RASEF: variants seen among roughly 807,000 people sequenced by gnomAD.
RASEF encodes RAS and EF-hand domain containing, also known as ras and EF-hand domain-containing protein.
Under a neutral mutation model 90.1 loss-of-function variants are expected in RASEF, and 68 were observed. The observed-to-expected ratio is 0.75, with a 90% CI of 0.62 to 0.92. RASEF has a LOEUF of 0.92. Ranked by LOEUF, RASEF falls within the 40% of genes least tolerant of loss-of-function variation. The pLI is 0.00. For synonymous variants in RASEF, 331 were observed against 345.2 expected (o/e 0.96, Z 0.46); for missense variants, 949 against 937.2 (o/e 1.01, Z -0.16).
chr9:83,033,492 A>G (rs749021168), intron 1 of RASEF, among the ~76,000 whole-genome samples: 2 of 152,208 alleles, frequency 1.3e-5, no homozygotes, highest in Non-Finnish European at 2.9e-5. Flanking sequence ...CAGGCTGTGC[A>G]CAGCGTCAGG....
intron 9 of RASEF, among the ~76,000 whole-genome samples, chr9:83,003,800 A>G (rs76711925): frequency 0.011 from 1,606 of 152,308 alleles, 26 homozygotes; most frequent in South Asian, 0.077. Flanking sequence ...AGAAATAGAG[A>G]GTCGGAAACT....
chr9:83,145,097 T>C, the RASEF span, among the ~76,000 whole-genome samples: 4 of 152,202 alleles, frequency 2.6e-5, no homozygotes, highest in South Asian at 4.1e-4. Flanking sequence ...CAAGGAATCT[T>C]TGGAGGTGCC....
At chr9:82,998,967 T>C (rs1828974009) in intron 12 of RASEF, among the ~76,000 whole-genome samples, 2 of 152,206 alleles carry the variant, frequency 1.3e-5, no homozygotes, top group African/African-American at 2.4e-5. Context: ...CACATTTACA[T>C]GCATCATGGT....
the RASEF span, among the ~76,000 whole-genome samples, chr9:83,084,694 A>C: frequency 6.6e-6 from 1 of 152,158 alleles, no homozygotes; most frequent in Non-Finnish European, 1.5e-5. Context: ...CTTCAAGACT[A>C]TCTGAGGTTA....
chr9:83,088,368 A>AGATG, the RASEF span, among the ~76,000 whole-genome samples: 2 of 118,828 alleles, frequency 1.7e-5, no homozygotes, highest in Non-Finnish European at 3.5e-5. Flanking sequence ...AGATATAGAT[A>AGATG]GATGGATAGA....
At chr9:83,009,593 C>A (rs1159459538) in intron 6 of RASEF, 48 bp downstream of exon 6, 2 of 1,072,638 alleles carry the variant, frequency 1.9e-6, no homozygotes, top group Non-Finnish European at 2.8e-6. Flanking sequence ...CCTGGATGAT[C>A]ATCTCAATAT....
the RASEF span, among the ~76,000 whole-genome samples, chr9:83,149,063 C>T: frequency 2.0e-5 from 3 of 152,196 alleles, no homozygotes; most frequent in Non-Finnish European, 4.4e-5. Flanking sequence ...ACAAGGCAGT[C>T]GGTGATAGGG....
At chr9:83,007,855 G>C (rs998105177) in intron 6 of RASEF, among the ~76,000 whole-genome samples, 1 of 152,122 alleles carries the variant, frequency 6.6e-6, no homozygotes, top group African/African-American at 2.4e-5. Context: ...TGAACCTCCT[G>C]AGTCTCTTCT....
the RASEF span, among the ~76,000 whole-genome samples, chr9:83,208,276 G>C: frequency 1.3e-5 from 2 of 152,200 alleles, no homozygotes; most frequent in African/African-American, 4.8e-5. Context: ...CTACTTTCCA[G>C]CAGAGTGATT....
the RASEF span, among the ~76,000 whole-genome samples, chr9:83,122,931 T>C: frequency 2.0e-5 from 3 of 152,032 alleles, no homozygotes; most frequent in African/African-American, 7.2e-5. Context: ...GGGTGAGGTA[T>C]ATGCACTTGT....
chr9:83,129,548 C>T, the RASEF span, among the ~76,000 whole-genome samples: 1 of 152,128 alleles, frequency 6.6e-6, no homozygotes, highest in Non-Finnish European at 1.5e-5. Flanking sequence ...TGCACTCTTC[C>T]TGTTTCAGCC....
chr9:83,037,247 T>G (rs181361637), intron 1 of RASEF, among the ~76,000 whole-genome samples: 2 of 152,020 alleles, frequency 1.3e-5, no homozygotes, highest in African/African-American at 4.8e-5. Context: ...TTGCCTGCAC[T>G]AGCAGAAGAA....
At chr9:83,207,598 C>CTTTTTTTTTTTTTTTTTT in the RASEF span, among the ~76,000 whole-genome samples, 1 of 85,454 alleles carries the variant, frequency 1.2e-5, no homozygotes, top group African/African-American at 4.3e-5. Context: ...AGGAGGGCTG[C>CTTTTTTTTTTTTTTTTTT]TTTTTTTTTT....
chr9:83,094,819 C>T, the RASEF span, among the ~76,000 whole-genome samples: 1 of 152,222 alleles, frequency 6.6e-6, no homozygotes, highest in Admixed American at 6.5e-5. Context: ...GGTGTTTTAA[C>T]AAGGGACCTG....
At chr9:83,021,139 C>T (rs1283751922) in intron 3 of RASEF, among the ~76,000 whole-genome samples, 1 of 152,218 alleles carries the variant, frequency 6.6e-6, no homozygotes, top group Non-Finnish European at 1.5e-5. Context: ...ACAGTAACAA[C>T]CAGGGTGCAG....
At position 82,995,968 on chromosome 9, in the gene RASEF, C is replaced by G. The variant is rs181995706; in HGVS notation, c.1920+1044G>C. Among the ~76,000 whole-genome samples the G allele has an allele frequency of 2.6e-5, 4 of 152,316 alleles. No individual in the cohort carries two copies. In the East Asian group the frequency reaches 7.7e-4, roughly 29 times the overall value. ...TCAGATGCTAGAGAGATGACTATAA[C>G]ATGGGAAATTTTGTGAAGTAAAAAT... is the stretch of plus-strand genomic sequence containing the variant. On this transcript the variant is annotated intron_variant, in intron 14 of 16. Coordinates refer to ENST00000376447, the MANE Select transcript of RASEF (RefSeq NM_152573.4).
the RASEF span, among the ~76,000 whole-genome samples, chr9:83,096,356 T>TA: frequency 6.6e-6 from 1 of 152,104 alleles, no homozygotes; most frequent in South Asian, 2.1e-4. Context: ...AAGAATGATC[T>TA]AAAAAAAGAC....
At chr9:82,993,338 C>G (rs759414184) in intron 14 of RASEF, among the ~76,000 whole-genome samples, 1 of 152,104 alleles carries the variant, frequency 6.6e-6, no homozygotes, top group African/African-American at 2.4e-5. Context: ...CTAAAAGGCA[C>G]TGGGATTAAT....
chr9:83,065,263 A>G (rs763445077), upstream of RASEF, among the ~76,000 whole-genome samples: 14 of 152,228 alleles, frequency 9.2e-5, no homozygotes, highest in African/African-American at 2.6e-4. Context: ...ATTATCATCA[A>G]TTTGGGCAGG....
Sources: allele counts gnomAD v4.1 joint callset (sites outside exome capture counted in the v4.1 genomes callset), GRCh38; gene constraint gnomAD v4.1.1; transcripts MANE v1.5; gene names NCBI Gene and HGNC (gene_info 2026-07-23, HGNC 2026-07-21).